Variants in ERC2 observed in about 807,000 individuals in gnomAD.
ERC2 encodes the protein ERC protein 2.
A neutral mutation model predicts 114.8 loss-of-function variants in ERC2; 42 were observed. The ratio of observed to expected loss-of-function variants is 0.37; its 90% CI spans 0.29 to 0.47. ERC2 has a LOEUF of 0.47. Ranked by LOEUF, ERC2 falls within the 20% of genes least tolerant of loss-of-function variation. The pLI, the probability that ERC2 is intolerant of heterozygous loss-of-function variation, is 0.99. For synonymous variants in ERC2, 454 were observed against 425.5 expected (o/e 1.07, Z -0.82); for missense variants, 939 against 1,150.7 (o/e 0.82, Z 2.66).
chr3:56,229,742 A>C (rs373139315), intron 3 of ERC2, among the ~76,000 whole-genome samples: 1 of 152,212 alleles, frequency 6.6e-6, no homozygotes, highest in African/African-American at 2.4e-5. Context: ...AATGAGAGTA[A>C]ATTTTATTGT....
At chr3:56,029,972 G>A (rs911643053) in intron 7 of ERC2, among the ~76,000 whole-genome samples, 1 of 151,922 alleles carries the variant, frequency 6.6e-6, no homozygotes, top group Non-Finnish European at 1.5e-5. Context: ...TTTCTTCTCA[G>A]CACTGCTCTA....
chr3:56,404,747 A>G (rs1226526179), intron 2 of ERC2, among the ~76,000 whole-genome samples: 1 of 152,142 alleles, frequency 6.6e-6, no homozygotes, highest in East Asian at 1.9e-4. Context: ...GATATGCAAG[A>G]CAAGATCTCC....
chr3:56,383,665 TC>T (rs199788860), intron 2 of ERC2, among the ~76,000 whole-genome samples: 12 of 141,770 alleles, frequency 8.5e-5, no homozygotes, highest in African/African-American at 2.9e-4. Flanking sequence ...ATGGCCTTAC[TC>T]TTTTTTTAAT....
At chr3:56,295,189 C>T (rs945637253) in intron 3 of ERC2, among the ~76,000 whole-genome samples, 2 of 152,196 alleles carry the variant, frequency 1.3e-5, no homozygotes, top group African/African-American at 4.8e-5. Context: ...AGTTTGAAAA[C>T]ATATTTAATG....
chr3:55,757,378 T>A (rs560430466), intron 14 of ERC2, among the ~76,000 whole-genome samples: 157 of 152,286 alleles, frequency 1.0e-3, no homozygotes, highest in Non-Finnish European at 1.7e-3. Flanking sequence ...CTATCTCAAA[T>A]TTTTAGGTGA....
intron 17 of ERC2, among the ~76,000 whole-genome samples, chr3:55,640,099 G>A (rs2148652218): frequency 6.6e-6 from 1 of 152,292 alleles, no homozygotes; most frequent in South Asian, 2.1e-4. Flanking sequence ...TCCTGTGGCT[G>A]CACTTCACCT....
intron 14 of ERC2, among the ~76,000 whole-genome samples, chr3:55,799,423 CAT>C (rs1171224151): frequency 1.7e-4 from 19 of 110,536 alleles, no homozygotes; most frequent in African/African-American, 8.0e-4. Flanking sequence ...TATATATATG[CAT>C]ATATATATGC....
intron 14 of ERC2, among the ~76,000 whole-genome samples, chr3:55,735,473 C>T (rs1005416005): frequency 7.9e-5 from 12 of 152,088 alleles, no homozygotes; most frequent in Admixed American, 3.3e-4. Flanking sequence ...AGTGAGCAAG[C>T]GTGAAAGAGA....
intron 2 of ERC2, among the ~76,000 whole-genome samples, chr3:56,343,207 C>CACACACACACACAA (rs2058169211): frequency 6.6e-6 from 1 of 150,860 alleles, no homozygotes; most frequent in African/African-American, 2.4e-5. Context: ...CACACACACA[C>CACACACACACACAA]ACAAACACAC....
At chr3:55,680,531 A>T (rs1214126472) in intron 17 of ERC2, among the ~76,000 whole-genome samples, 1 of 152,250 alleles carries the variant, frequency 6.6e-6, no homozygotes, top group Non-Finnish European at 1.5e-5. Flanking sequence ...AAGAACAATT[A>T]TGGAGAATTG....
chr3:56,040,633 T>C (rs1439122188), intron 7 of ERC2, among the ~76,000 whole-genome samples: 4 of 107,010 alleles, frequency 3.7e-5, no homozygotes, highest in Non-Finnish European at 6.0e-5. Flanking sequence ...TATATGTATA[T>C]ATACATATAT....
At chr3:56,350,136 AT>A in intron 2 of ERC2, among the ~76,000 whole-genome samples, 1 of 152,322 alleles carries the variant, frequency 6.6e-6, no homozygotes, top group Non-Finnish European at 1.5e-5. Flanking sequence ...TGATGCTAGA[AT>A]TTGGGGGACA....
intron 6 of ERC2, among the ~76,000 whole-genome samples, chr3:56,108,280 C>T (rs1006829454): frequency 1.3e-5 from 2 of 152,122 alleles, no homozygotes; most frequent in African/African-American, 4.8e-5. Context: ...TATGTCATTA[C>T]TCAAGAAACT....
intron 2 of ERC2, among the ~76,000 whole-genome samples, chr3:56,333,201 G>T (rs910157622): frequency 9.2e-5 from 14 of 152,164 alleles, no homozygotes; most frequent in Middle Eastern, 3.2e-3. Flanking sequence ...AATGTAAACT[G>T]AAACAAGCTC....
intron 2 of ERC2, among the ~76,000 whole-genome samples, chr3:56,324,214 AG>A (rs1165466499): frequency 1.3e-4 from 20 of 152,336 alleles, no homozygotes; most frequent in African/African-American, 3.8e-4. Context: ...CTAAGGAAGC[AG>A]CTCTGTGTTA....
intron 17 of ERC2, among the ~76,000 whole-genome samples, chr3:55,590,446 T>A (rs1395270741): frequency 6.6e-6 from 1 of 152,216 alleles, no homozygotes; most frequent in Non-Finnish European, 1.5e-5. Context: ...CAGTGAAACA[T>A]AAATGATGTT....
chr3:55,743,115 A>T (rs2066070803), intron 14 of ERC2, among the ~76,000 whole-genome samples: 1 of 152,214 alleles, frequency 6.6e-6, no homozygotes, highest in African/African-American at 2.4e-5. Flanking sequence ...AATTACGGAG[A>T]ATTCTGTCTT....
chr3:55,654,886 C>T (rs1477357143), intron 17 of ERC2, among the ~76,000 whole-genome samples: 1 of 152,206 alleles, frequency 6.6e-6, no homozygotes, highest in Non-Finnish European at 1.5e-5. Flanking sequence ...CTCATTGACA[C>T]TGTGGGTGCC....
intron 13 of ERC2, among the ~76,000 whole-genome samples, chr3:55,912,948 A>T (rs1452059797): frequency 1.3e-5 from 2 of 152,142 alleles, no homozygotes; most frequent in Non-Finnish European, 2.9e-5. Context: ...TAACAAGTCA[A>T]TCATGCTACA....
Sources: gnomAD v4.1 joint callset for allele counts (sites outside exome capture counted in the v4.1 genomes callset) on GRCh38, gnomAD v4.1.1 for gene constraint, MANE v1.5 for transcripts, NCBI Gene and HGNC (gene_info 2026-07-23, HGNC 2026-07-21) for gene names.